The following TPGS2 variants were observed in gnomAD, a reference collection of about 807,000 sequenced individuals.
The protein encoded by TPGS2 is tubulin polyglutamylase complex subunit 2.
Under a neutral mutation model 31.1 loss-of-function variants are expected in TPGS2, and 26 were observed. That is an observed-to-expected ratio of 0.84 (90% CI 0.61 to 1.16). TPGS2 has a LOEUF of 1.16. Ranked by LOEUF, TPGS2 falls within the 50% of genes most tolerant of loss-of-function variation. TPGS2 has a pLI of 0.00. For synonymous variants in TPGS2, 130 were observed against 136.6 expected, an observed-to-expected ratio of 0.95 and a Z score of 0.34; for missense variants, 351 against 363.8, an observed-to-expected ratio of 0.96 and a Z score of 0.29.
intron 2 of TPGS2, among the ~76,000 whole-genome samples, chr18:36,809,425 T>A (rs753847224): frequency 1.2e-4 from 18 of 152,188 alleles, no homozygotes; most frequent in Non-Finnish European, 2.5e-4. Flanking sequence ...TTTCTTTTAT[T>A]TATGAACTAA....
At chr18:36,805,065 T>A (rs1214948555) in intron 4 of TPGS2, among the ~76,000 whole-genome samples, 2 of 152,200 alleles carry the variant, frequency 1.3e-5, no homozygotes, top group Non-Finnish European at 2.9e-5. Context: ...TGTAACTACA[T>A]CTGTTATATG....
chr18:36,794,549 A>C lies in TPGS2; in HGVS notation c.*2256T>G. 3.0e-6 allele frequency: 3 copies of C among 985,340 alleles called. No individual in the cohort carries two copies. The highest frequency in any genetic ancestry group is 3.6e-6 in the Non-Finnish European group (3 of 829,916). The allele number at this position is 985,340 out of a possible 1,614,324, so 61.0% of individuals were successfully genotyped here. ...ATCTGCTGCAGTGGAAGATGACATA[A>C]CTTCTCAACTCCCTTCTAACCTCGC... On this transcript the variant is annotated 3_prime_UTR_variant, in exon 7 of 7. Coordinates refer to ENST00000334295, the MANE Select transcript of TPGS2 (RefSeq NM_015476.4).
At chr18:36,825,930 A>G (rs1004545951) in intron 1 of TPGS2, among the ~76,000 whole-genome samples, 1 of 152,300 alleles carries the variant, frequency 6.6e-6, no homozygotes, top group African/African-American at 2.4e-5. Context: ...ATCCATAAAC[A>G]TGGTATGTCT....
chr18:36,815,786 G>T lies in TPGS2; in HGVS notation c.165+3108C>A, dbSNP rs533149609. Among the ~76,000 whole-genome samples the T allele has an allele frequency of 2.0e-5, 3 of 152,264 alleles. No individual in the cohort carries two copies. In the East Asian group the frequency reaches 5.8e-4, roughly 29 times the overall value. On this transcript the variant is annotated intron_variant, in intron 2 of 6. Coordinates refer to ENST00000334295, the MANE Select transcript of TPGS2 (RefSeq NM_015476.4). The stretch of plus-strand genomic sequence containing the variant: ...CCCGACATGCCAAACTCAGGTGAAA[G>T]AAACATTTTTATATTACTGATCCTA...
Position 36,825,409 on chromosome 18 carries a change from G to A in TPGS2, c.85+3274C>T, listed in dbSNP as rs550271701. Among the ~76,000 whole-genome samples the A allele has an allele frequency of 5.7e-4, 84 of 146,802 alleles. 1 individual carries two copies. The highest frequency in any genetic ancestry group is 2.0e-3 in the African/African-American group (77 of 39,416). ...AGCACACCACTGCACTCCAGCCTGG[G>A]CGACAGAGCGAGACTCCGTCTCCAA... On this transcript the variant is annotated intron_variant, in intron 1 of 6. Coordinates refer to ENST00000334295, the MANE Select transcript of TPGS2 (RefSeq NM_015476.4).
At chr18:36,816,872 G>T (rs1250041076) in intron 2 of TPGS2, among the ~76,000 whole-genome samples, 1 of 152,204 alleles carries the variant, frequency 6.6e-6, no homozygotes, top group Non-Finnish European at 1.5e-5. Flanking sequence ...TTCCTGAAGT[G>T]CTGGGATTAC....
chr18:36,786,926 C>T lies in TPGS2; in HGVS notation c.658-3795G>A, dbSNP rs558433551. On this transcript the variant is annotated intron_variant, in intron 6 of 6. Transcript: ENST00000587129. Reference sequence around the variant, plus strand: ...CTGTTGGATTGGCGCCTGCTGCACACGCTACAGCTCCGGGGCTTCATGCTG... The same window carrying T: ...CTGTTGGATTGGCGCCTGCTGCACATGCTACAGCTCCGGGGCTTCATGCTG... 3.4e-5 allele frequency: 42 copies of T among 1,234,382 alleles called. No homozygotes were observed. The African/African-American group carries it at 3.7e-4, about 11-fold the overall frequency. 76.5% of individuals were successfully genotyped at this position (1,234,382 alleles called of 1,614,324 possible).
At chr18:36,799,235 C>G (rs1443867381) in intron 5 of TPGS2, among the ~76,000 whole-genome samples, 2 of 152,136 alleles carry the variant, frequency 1.3e-5, no homozygotes, top group Non-Finnish European at 2.9e-5. Flanking sequence ...CTTTCTTTGC[C>G]AAAACTGCTG....
chr18:36,795,585 T>C lies in TPGS2; in HGVS notation c.*1220A>G, dbSNP rs1421250202. 2.0e-6 allele frequency: 2 copies of C among 985,368 alleles called. No individual in the cohort carries two copies. Among genetic ancestry groups the C allele is most frequent in the Admixed American group, 6.1e-5 (1 of 16,268 alleles). The allele number at this position is 985,368 out of a possible 1,614,324, so 61.0% of individuals were successfully genotyped here. On this transcript the variant is annotated 3_prime_UTR_variant, in exon 7 of 7. Coordinates refer to ENST00000334295, the MANE Select transcript of TPGS2 (RefSeq NM_015476.4). ...GGAGGAAATAAATAGGCATTCCTAA[T>C]TGAAAATCTGAGCAACCTTCTCTGT...
chr18:36,827,471 T>C (rs1176319494), intron 1 of TPGS2, among the ~76,000 whole-genome samples: 1 of 152,182 alleles, frequency 6.6e-6, no homozygotes, highest in Non-Finnish European at 1.5e-5. Flanking sequence ...ACTAGCAAAC[T>C]GCAAAAGCCC....
rs2044432558 is a variant in TPGS2 at position 36,794,523 on chromosome 18, T to TATC, written c.*2279_*2281dup. On this transcript the variant is annotated 3_prime_UTR_variant, in exon 7 of 7. Coordinates refer to ENST00000334295, the MANE Select transcript of TPGS2 (RefSeq NM_015476.4). ...GGATCTCCAAGTACTAAAAAAGGGG[T>TATC]ATCTGCTGCAGTGGAAGATGACATA... 1 of 985,170 alleles carries TATC rather than the reference T, an allele frequency of 1.0e-6. No homozygotes were observed. Among genetic ancestry groups the TATC allele is most frequent in the South Asian group, 4.7e-5 (1 of 21,270 alleles). The allele number at this position is 985,170 out of a possible 1,614,324, so 61.0% of individuals were successfully genotyped here.
rs1274580287 is a variant in TPGS2 at position 36,807,870 on chromosome 18, A to G, written c.230T>C (p.Met77Thr). Reference sequence around the variant, plus strand: ...ACCATCCAGCTTCACACTCCATGTCATGTGGAAGCCATTGGTCATCAGGTA... The same window carrying G: ...ACCATCCAGCTTCACACTCCATGTCGTGTGGAAGCCATTGGTCATCAGGTA... ...NFYLMTNGFHMTWSVKLDEHI... is the reference protein window; with the variant it reads ...NFYLMTNGFHTTWSVKLDEHI... Residue 77 changes from methionine (M) to threonine (T), a missense_variant, in exon 3 of 7, where the codon ATG becomes ACG. By Grantham distance (81) the Met-to-Thr change is moderately conservative. Transcript: ENST00000334295. 2 of 1,614,182 alleles carry G rather than the reference A, an allele frequency of 1.2e-6. No homozygotes were observed. The highest frequency in any genetic ancestry group is 4.5e-5 in the East Asian group (2 of 44,868).
At position 36,797,057 on chromosome 18, in the gene TPGS2, G is replaced by C; in HGVS notation, c.658-7C>G. On this transcript the variant is annotated splice_region_variant and splice_polypyrimidine_tract_variant and intron_variant, in intron 6 of 6. Coordinates refer to ENST00000334295, the MANE Select transcript of TPGS2 (RefSeq NM_015476.4). ...TATACATGCTGAACCATTGCTGTAA[G>C]GCAGAATTGGAAGACAAGGTCACAA... 2 of 1,592,340 alleles carry C rather than the reference G, an allele frequency of 1.3e-6. No homozygotes were observed. The highest frequency in any genetic ancestry group is 1.7e-6 in the Non-Finnish European group (2 of 1,172,804).
chr18:36,798,135 T>G (rs1034746490), intron 6 of TPGS2: 1 of 1,120,176 alleles, frequency 8.9e-7, no homozygotes, highest in African/African-American at 1.6e-5. Context: ...ATCTGACTTT[T>G]CACTCTTCCT....
chr18:36,799,509 T>C (rs2044699067), intron 5 of TPGS2, among the ~76,000 whole-genome samples: 1 of 152,178 alleles, frequency 6.6e-6, no homozygotes, highest in Admixed American at 6.6e-5. Context: ...CTTGTCTCTT[T>C]TACTCCACCA....
At chr18:36,826,667 C>T (rs374002540) in intron 1 of TPGS2, among the ~76,000 whole-genome samples, 4 of 152,286 alleles carry the variant, frequency 2.6e-5, no homozygotes, top group South Asian at 2.1e-4. Context: ...GTCTGCCAAT[C>T]GGGCTGCCAA....
chr18:36,786,529 CTTT>C (rs2044133308), intron 6 of TPGS2: 1 of 203,574 alleles, frequency 4.9e-6, no homozygotes, highest in Non-Finnish European at 9.8e-6. Flanking sequence ...TTGTTTTATT[CTTT>C]AAGTGTAGGG....
At chr18:36,784,108 AT>A (rs1443555177) in intron 6 of TPGS2, among the ~76,000 whole-genome samples, 1 of 152,204 alleles carries the variant, frequency 6.6e-6, no homozygotes, top group Non-Finnish European at 1.5e-5. Flanking sequence ...CGACACCTTG[AT>A]TTTAGCTCAA....
intron 2 of TPGS2, among the ~76,000 whole-genome samples, chr18:36,816,018 G>A (rs2045638468): frequency 6.6e-6 from 1 of 152,064 alleles, no homozygotes; most frequent in African/African-American, 2.4e-5. Flanking sequence ...TGGCATATTT[G>A]AACTTAGATC....
Sources: gnomAD v4.1 joint callset for allele counts (sites outside exome capture counted in the v4.1 genomes callset) on GRCh38, gnomAD v4.1.1 for gene constraint, MANE v1.5 for transcripts, NCBI Gene and HGNC (gene_info 2026-07-23, HGNC 2026-07-21) for gene names.